CACNA2D3: variants seen among roughly 807,000 people sequenced by gnomAD.
CACNA2D3 encodes calcium voltage-gated channel auxiliary subunit alpha2delta 3.
Under a neutral mutation model 160.6 loss-of-function variants are expected in CACNA2D3, and 60 were observed. That is an observed-to-expected ratio of 0.37 (90% confidence interval 0.30 to 0.46). The LOEUF is 0.46. Ranked by LOEUF, CACNA2D3 falls within the 20% of genes least tolerant of loss-of-function variation. The probability of loss-of-function intolerance (pLI) is 1.00; values close to 1 mark genes in which losing one functional copy is unlikely to be tolerated. For synonymous variants in CACNA2D3, 558 were observed against 492.9 expected, an observed-to-expected ratio of 1.13 and a Z score of -1.75; for missense variants, 1,205 against 1,365.0, an observed-to-expected ratio of 0.88 and a Z score of 1.85.
At chr3:54,870,609 C>T (rs568716920) in intron 17 of CACNA2D3, among the ~76,000 whole-genome samples, 7 of 152,084 alleles carry the variant, frequency 4.6e-5, no homozygotes, top group East Asian at 3.9e-4. Flanking sequence ...AACGTCCGGT[C>T]GATAAAATGG....
intron 2 of CACNA2D3, among the ~76,000 whole-genome samples, chr3:54,211,545 C>T (rs1443545542): frequency 2.0e-5 from 3 of 152,094 alleles, no homozygotes; most frequent in African/African-American, 7.2e-5. Flanking sequence ...CAGTTAATAC[C>T]CCTACCTTGG....
chr3:54,781,986 T>C (rs1003811185), intron 13 of CACNA2D3, among the ~76,000 whole-genome samples: 33 of 152,322 alleles, frequency 2.2e-4, no homozygotes, highest in African/African-American at 7.7e-4. Flanking sequence ...AGTACTTATT[T>C]GGGTGTTTGC....
At chr3:54,907,669 CT>C (rs1004642742) in intron 27 of CACNA2D3, among the ~76,000 whole-genome samples, 3 of 152,064 alleles carry the variant, frequency 2.0e-5, no homozygotes, top group Non-Finnish European at 4.4e-5. Flanking sequence ...TTAATAATAT[CT>C]TGATATGTTT....
chr3:54,506,810 G>A (rs1701378422), intron 5 of CACNA2D3, among the ~76,000 whole-genome samples: 1 of 152,174 alleles, frequency 6.6e-6, no homozygotes, highest in East Asian at 1.9e-4. Flanking sequence ...ATGAATGGCT[G>A]ATACCTTTAG....
In CACNA2D3 at chr3:54,898,225, C is replaced by T. The variant is rs1202977645; in HGVS notation, c.2368+1355C>T. Among the ~76,000 whole-genome samples, 9 of 138,576 alleles carry T rather than the reference C, an allele frequency of 6.5e-5. 1 individual carries two copies. Among genetic ancestry groups the T allele is most frequent in the African/African-American group, 1.9e-4 (7 of 36,808 alleles). The allele number at this position is 138,576 out of a possible 152,430, so 90.9% of individuals were successfully genotyped here. On this transcript the variant is annotated intron_variant, in intron 26 of 37. Transcript: ENST00000474759. Reference sequence around the variant, plus strand: ...TCTCTCTCTCTTCTCCGCCCCACCCCGTCTTTTTTTTTTTTGAGACAGAGT... The same window carrying T: ...TCTCTCTCTCTTCTCCGCCCCACCCTGTCTTTTTTTTTTTTGAGACAGAGT...
chr3:54,478,532 T>C (rs1451384720), intron 4 of CACNA2D3, among the ~76,000 whole-genome samples: 1 of 151,246 alleles, frequency 6.6e-6, no homozygotes, highest in African/African-American at 2.4e-5. Context: ...TTAGGGAGGC[T>C]GAGGCAGGAG....
intron 4 of CACNA2D3, among the ~76,000 whole-genome samples, chr3:54,475,376 G>A (rs1420841990): frequency 6.6e-6 from 1 of 152,128 alleles, no homozygotes; most frequent in East Asian, 1.9e-4. Flanking sequence ...AAAAGCAAAT[G>A]GCATGGAAAG....
chr3:54,584,475 C>T (rs962350033), intron 9 of CACNA2D3, among the ~76,000 whole-genome samples: 1 of 151,956 alleles, frequency 6.6e-6, no homozygotes, highest in Non-Finnish European at 1.5e-5. Context: ...TAGCAATTAC[C>T]CAATTTGAAC....
chr3:55,073,733 T>C, intron 36 of CACNA2D3, 44 bp from the exon 37 acceptor site: 1 of 1,526,038 alleles, frequency 6.6e-7, no homozygotes, highest in Non-Finnish European at 9.0e-7. Flanking sequence ...AAATGCAGAG[T>C]AGAAAAAAGC....
intron 10 of CACNA2D3, chr3:54,634,341 G>T (rs1000438377): frequency 6.6e-6 from 1 of 152,114 alleles, no homozygotes; most frequent in Non-Finnish European, 1.5e-5. Context: ...TCTCAGTGAG[G>T]TCTTCCCTGA....
At chr3:54,229,571 G>A (rs73087966) in intron 2 of CACNA2D3, among the ~76,000 whole-genome samples, 4,350 of 152,202 alleles carry the variant, frequency 0.029, 180 homozygotes, top group East Asian at 0.21. Flanking sequence ...CTGGCCTCAG[G>A]TGATCCTCTC....
intron 5 of CACNA2D3, among the ~76,000 whole-genome samples, chr3:54,526,450 C>T (rs1701724091): frequency 6.6e-6 from 1 of 152,072 alleles, no homozygotes; most frequent in Non-Finnish European, 1.5e-5. Flanking sequence ...TATATTTTAG[C>T]AACCCTGGGT....
At chr3:54,192,371 C>T (rs1215653919) in intron 2 of CACNA2D3, among the ~76,000 whole-genome samples, 2 of 152,128 alleles carry the variant, frequency 1.3e-5, no homozygotes, top group Non-Finnish European at 2.9e-5. Context: ...TGAGTTTCAC[C>T]ATGCAACATG....
intron 4 of CACNA2D3, among the ~76,000 whole-genome samples, chr3:54,475,722 A>T (rs921615379): frequency 1.2e-4 from 18 of 152,148 alleles, no homozygotes; most frequent in African/African-American, 3.9e-4. Flanking sequence ...ACAAATAAAC[A>T]TTGTATATAT....
intron 5 of CACNA2D3, among the ~76,000 whole-genome samples, chr3:54,552,250 G>T (rs539607315): frequency 2.0e-5 from 3 of 152,148 alleles, no homozygotes; most frequent in Admixed American, 2.0e-4. Context: ...CATCCATCCT[G>T]CCCTCTTTAA....
intron 9 of CACNA2D3, among the ~76,000 whole-genome samples, chr3:54,588,096 A>G (rs1401490289): frequency 1.3e-5 from 2 of 152,262 alleles, no homozygotes; most frequent in Non-Finnish European, 2.9e-5. Context: ...AATGATGTAT[A>G]TAAAAAATAA....
chr3:54,558,216 A>G (rs1702269666), intron 5 of CACNA2D3, among the ~76,000 whole-genome samples: 1 of 152,100 alleles, frequency 6.6e-6, no homozygotes, highest in Admixed American at 6.5e-5. Flanking sequence ...TCCTGTCTGT[A>G]TGGTATTGAT....
intron 4 of CACNA2D3, among the ~76,000 whole-genome samples, chr3:54,501,612 G>A (rs902372263): frequency 6.6e-5 from 10 of 150,748 alleles, no homozygotes; most frequent in African/African-American, 2.2e-4. Context: ...TAGAGACAGA[G>A]TTTCACCATG....
At chr3:54,427,066 T>C (rs1314883860) in intron 4 of CACNA2D3, among the ~76,000 whole-genome samples, 1 of 152,090 alleles carries the variant, frequency 6.6e-6, no homozygotes, top group Non-Finnish European at 1.5e-5. Flanking sequence ...CTTTATGTTC[T>C]GCGTACCCTT....
Sources: allele counts gnomAD v4.1 joint callset (sites outside exome capture counted in the v4.1 genomes callset), GRCh38; gene constraint gnomAD v4.1.1; transcripts MANE v1.5; gene names NCBI Gene and HGNC (gene_info 2026-07-23, HGNC 2026-07-21).